CPS1: variants seen among roughly 807,000 people sequenced by gnomAD.
The protein encoded by CPS1 is carbamoyl-phosphate synthase 1.
CPS1 carries 109 observed loss-of-function variants against 174.6 expected under a neutral mutation model. The ratio of observed to expected loss-of-function variants is 0.62; its 90% CI spans 0.53 to 0.73. The LOEUF (loss-of-function observed/expected upper bound fraction) is 0.73. Ranked by LOEUF, CPS1 falls within the 30% of genes least tolerant of loss-of-function variation. The pLI is 0.00. For synonymous variants in CPS1, 637 were observed against 632.0 expected, an observed-to-expected ratio of 1.01 and a Z score of -0.12; for missense variants, 1,689 against 1,821.9, an observed-to-expected ratio of 0.93 and a Z score of 1.33.
Position 210,664,864 on chromosome 2 carries a change from T to A in CPS1, c.4002+1667T>A, listed in dbSNP as rs565701888. 5.9e-5 allele frequency among the ~76,000 whole-genome samples: 9 copies of A among 152,344 alleles called. No individual in the cohort carries two copies. The South Asian group carries it at 1.9e-3, about 32-fold the overall frequency. ...TTATTACTGACATCAGAATTCTAGC[T>A]TAGTAAAATCTTAATTATGCTTCAA... On this transcript the variant is annotated intron_variant, in intron 33 of 37. Transcript: ENST00000233072.
chr2:210,613,658 C>G (rs1449212322), intron 20 of CPS1, among the ~76,000 whole-genome samples: 3 of 151,770 alleles, frequency 2.0e-5, no homozygotes, highest in African/African-American at 7.3e-5. Flanking sequence ...GTTTCTGCCA[C>G]TTTGAAGGAG....
chr2:210,584,459 A>G (rs1216503189), intron 6 of CPS1, among the ~76,000 whole-genome samples: 2 of 152,160 alleles, frequency 1.3e-5, no homozygotes, highest in Non-Finnish European at 1.5e-5. Context: ...TGTGGACGCA[A>G]AATTTGATTT....
At position 210,576,458 on chromosome 2, in the gene CPS1, C is replaced by T. The variant is rs2106079743; in HGVS notation, c.349C>T (p.Leu117Phe). Residue 117 changes from leucine to phenylalanine, a missense_variant, in exon 3 of 38, where the codon CTT (leucine) becomes TTT (phenylalanine). Leu to Phe is a conservative substitution (Grantham distance 22, BLOSUM62 0). Coordinates refer to ENST00000233072, the MANE Select transcript of CPS1 (RefSeq NM_001875.5). ...TACTACTGCTCTGGATGAACTGGGA[C>T]TTAGCAAATATTTGGAGTCTAATGG... ...PDTTALDELG[L>F]SKYLESNGIK... is the part of the protein sequence containing the mutation. The T allele has an allele frequency of 1.2e-6, 2 of 1,613,634 alleles. No homozygotes were observed. Among genetic ancestry groups the T allele is most frequent in the Non-Finnish European group, 1.7e-6 (2 of 1,179,656 alleles).
At chr2:210,609,733 A>T (rs1699044246) in intron 19 of CPS1, among the ~76,000 whole-genome samples, 1 of 151,906 alleles carries the variant, frequency 6.6e-6, no homozygotes, top group Admixed American at 6.6e-5. Flanking sequence ...AAGGCTGTTT[A>T]TGACATATTT....
chr2:210,608,282 A>T (rs769682838), intron 18 of CPS1, 79 bp from the exon 19 acceptor site: 119 of 1,386,568 alleles, frequency 8.6e-5, no homozygotes, highest in Non-Finnish European at 1.2e-4. Context: ...CAGAAATTTT[A>T]AGAAAGACCA....
intron 1 of CPS1, among the ~76,000 whole-genome samples, chr2:210,548,166 T>C (rs1000543649): frequency 1.3e-5 from 2 of 152,024 alleles, no homozygotes; most frequent in African/African-American, 4.8e-5. Context: ...AATATAGTAC[T>C]AATAATACTT....
chr2:210,478,196 T>C (rs1694456154), intron 1 of CPS1, among the ~76,000 whole-genome samples: 1 of 152,228 alleles, frequency 6.6e-6, no homozygotes, highest in East Asian at 1.9e-4. Context: ...CTAGTTTATA[T>C]TCCCTCTAAC....
chr2:210,615,834 A>C (rs1699286624), intron 20 of CPS1, among the ~76,000 whole-genome samples: 1 of 152,056 alleles, frequency 6.6e-6, no homozygotes, highest in South Asian at 2.1e-4. Flanking sequence ...CTGCCTTAGC[A>C]CAAAAATCAT....
chr2:210,514,785 CT>C (rs59164194), intron 1 of CPS1, among the ~76,000 whole-genome samples: 71 of 140,798 alleles, frequency 5.0e-4, no homozygotes, highest in Middle Eastern at 3.7e-3. Flanking sequence ...GGGAATGCTT[CT>C]TTTTTTTTTT....
chr2:210,575,907 T>G (rs1697690911), intron 2 of CPS1, among the ~76,000 whole-genome samples: 1 of 152,072 alleles, frequency 6.6e-6, no homozygotes, highest in African/African-American at 2.4e-5. Flanking sequence ...GAAAAACTTT[T>G]CAATGTTTCG....
At chr2:210,506,061 G>A (rs1005092684) in intron 1 of CPS1, among the ~76,000 whole-genome samples, 6 of 152,288 alleles carry the variant, frequency 3.9e-5, no homozygotes, top group South Asian at 4.1e-4. Context: ...CATGCAGCTG[G>A]AGATCTGGAA....
At chr2:210,553,277 G>A (rs147708781), upstream of CPS1, among the ~76,000 whole-genome samples, 1,021 of 151,978 alleles carry the variant, frequency 6.7e-3, 6 homozygotes, top group Middle Eastern at 0.014. Flanking sequence ...GATTATGTTT[G>A]TGTGGTGGGT....
At chr2:210,513,550 C>T (rs1257990453) in intron 1 of CPS1, among the ~76,000 whole-genome samples, 2 of 151,554 alleles carry the variant, frequency 1.3e-5, no homozygotes, top group African/African-American at 2.4e-5. Context: ...TGGTTTTTGC[C>T]TGTTGAATTG....
chr2:210,618,043 C>G (rs998751635), intron 21 of CPS1: 3 of 151,942 alleles, frequency 2.0e-5, no homozygotes, highest in Admixed American at 6.6e-5. Context: ...GATTTTTGGA[C>G]AAATTCAATG....
In CPS1 at chr2:210,650,440, T is replaced by C. The variant is rs1351639927; in HGVS notation, c.3480+2T>C. 6.2e-7 allele frequency: 1 copy of C among 1,603,576 alleles called. No individual in the cohort carries two copies. Among genetic ancestry groups the C allele is most frequent in the Non-Finnish European group, 8.5e-7 (1 of 1,170,524 alleles). The stretch of plus-strand genomic sequence containing the variant: ...GAAGAGGCGACTAGAGTTTCTCAGG[T>C]AGTGTCCAATTTCTTTGTAGTGACT... On this transcript the variant is annotated splice_donor_variant, in intron 28 of 37. Transcript: ENST00000233072. LOFTEE classifies it high-confidence loss of function.
At chr2:210,625,644 A>T (rs1699675992) in intron 21 of CPS1, among the ~76,000 whole-genome samples, 1 of 152,100 alleles carries the variant, frequency 6.6e-6, no homozygotes, top group South Asian at 2.1e-4. Context: ...AGGAAGAAGG[A>T]AGAGAGAATT....
At chr2:210,590,018 A>G in intron 7 of CPS1, 88 bp from the exon 8 acceptor site, 1 of 1,546,564 alleles carries the variant, frequency 6.5e-7, no homozygotes, top group South Asian at 1.1e-5. Context: ...CCCTTTAAGG[A>G]ATGGTTAGTC....
intron 1 of CPS1, among the ~76,000 whole-genome samples, chr2:210,501,188 A>G (rs1451127959): frequency 6.6e-6 from 1 of 151,566 alleles, no homozygotes; most frequent in Non-Finnish European, 1.5e-5. Context: ...AGGAAACCAT[A>G]TTTTCCTCCC....
At chr2:210,485,837 T>A (rs1486717490) in intron 1 of CPS1, among the ~76,000 whole-genome samples, 1 of 152,064 alleles carries the variant, frequency 6.6e-6, no homozygotes. Flanking sequence ...TTTAAGAAAC[T>A]AATAAATTGT....
Sources: allele counts gnomAD v4.1 joint callset (sites outside exome capture counted in the v4.1 genomes callset), GRCh38; gene constraint gnomAD v4.1.1; transcripts MANE v1.5; gene names NCBI Gene and HGNC (gene_info 2026-07-23, HGNC 2026-07-21).